Variants in NFIA observed in about 807,000 individuals in gnomAD.
NFIA encodes nuclear factor 1 A-type.
NFIA carries 8 observed loss-of-function variants against 62.8 expected under a neutral mutation model. The ratio of observed to expected loss-of-function variants is 0.13; its 90% CI spans 0.07 to 0.23. The LOEUF (loss-of-function observed/expected upper bound fraction) is 0.23. NFIA is among the 10% of genes least tolerant of loss of function. The pLI, the probability that NFIA is intolerant of heterozygous loss-of-function variation, is 1.00. For synonymous variants in NFIA, 235 were observed against 238.1 expected (o/e 0.99, Z 0.12); for missense variants, 410 against 642.1 (o/e 0.64, Z 3.91).
intron 10 of NFIA, among the ~76,000 whole-genome samples, chr1:61,433,925 G>C (rs2100564473): frequency 6.6e-6 from 1 of 152,246 alleles, no homozygotes; most frequent in South Asian, 2.1e-4. Context: ...GCTGCTCTAT[G>C]GTCAGAACCT....
chr1:61,307,964 A>G (rs995566530), intron 3 of NFIA, among the ~76,000 whole-genome samples: 17 of 152,350 alleles, frequency 1.1e-4, no homozygotes, highest in African/African-American at 4.1e-4. Flanking sequence ...GGACTAAGAT[A>G]CAGCATTACA....
intron 2 of NFIA, among the ~76,000 whole-genome samples, chr1:61,184,604 C>T (rs1173085868): frequency 1.3e-5 from 2 of 152,240 alleles, no homozygotes; most frequent in Non-Finnish European, 2.9e-5. Flanking sequence ...TGCTGAGAAA[C>T]TGGTGGACCG....
intron 3 of NFIA, among the ~76,000 whole-genome samples, chr1:61,283,111 C>T (rs904062307): frequency 2.6e-5 from 4 of 152,186 alleles, no homozygotes; most frequent in Non-Finnish European, 5.9e-5. Context: ...ATGTCGTTCA[C>T]ATCCTGAATT....
At chr1:61,271,146 A>G (rs1032696790) in intron 2 of NFIA, among the ~76,000 whole-genome samples, 1 of 152,148 alleles carries the variant, frequency 6.6e-6, no homozygotes, top group Non-Finnish European at 1.5e-5. Flanking sequence ...GTCATTTTTA[A>G]AGCTTAGAAA....
At chr1:61,341,494 C>G (rs1203327624) in intron 4 of NFIA, among the ~76,000 whole-genome samples, 3 of 151,792 alleles carry the variant, frequency 2.0e-5, no homozygotes, top group African/African-American at 7.3e-5. Flanking sequence ...TTTGGGTTTT[C>G]TTGAGACAGA....
chr1:61,285,041 A>C (rs1159711738), intron 3 of NFIA, among the ~76,000 whole-genome samples: 1 of 152,254 alleles, frequency 6.6e-6, no homozygotes, highest in Non-Finnish European at 1.5e-5. Context: ...AATACAATTT[A>C]TGCAGTATTT....
chr1:61,384,046 G>A (rs1466880703), intron 7 of NFIA, among the ~76,000 whole-genome samples: 2 of 152,160 alleles, frequency 1.3e-5, no homozygotes, highest in African/African-American at 4.8e-5. Flanking sequence ...TCAAGAGAAT[G>A]TCAGCAAATC....
intron 2 of NFIA, among the ~76,000 whole-genome samples, chr1:61,232,516 C>T (rs1654742102): frequency 6.6e-6 from 1 of 152,070 alleles, no homozygotes; most frequent in African/African-American, 2.4e-5. Flanking sequence ...TTTACTGTAC[C>T]ACATCATCCA....
chr1:61,232,707 A>T (rs1057107033), intron 2 of NFIA, among the ~76,000 whole-genome samples: 18 of 152,238 alleles, frequency 1.2e-4, no homozygotes, highest in Non-Finnish European at 1.8e-4. Context: ...AGTTTTTTTT[A>T]AAAAACATCT....
intron 2 of NFIA, among the ~76,000 whole-genome samples, chr1:61,225,283 G>A (rs542659264): frequency 2.2e-4 from 33 of 149,952 alleles, no homozygotes; most frequent in African/African-American, 6.9e-4. Flanking sequence ...ACTGAGTCTC[G>A]CTTTGTTGCC....
rs191668700 is a variant in NFIA at position 61,286,959 on chromosome 1, G to T, written c.625+9374G>T. On this transcript the variant is annotated intron_variant, in intron 3 of 10. Transcript: ENST00000403491. ...GACATGCTGGAAGAACACTAAGGGG[G>T]TTGGTGTGGCTTGAAGGGTACAAAC... 2.6e-5 allele frequency among the ~76,000 whole-genome samples: 4 copies of T among 152,300 alleles called. No homozygotes were observed. In the East Asian group the frequency reaches 5.8e-4, roughly 22 times the overall value.
chr1:61,375,483 A>G (rs1664104271), intron 6 of NFIA, among the ~76,000 whole-genome samples: 1 of 152,174 alleles, frequency 6.6e-6, no homozygotes, highest in Non-Finnish European at 1.5e-5. Context: ...AATAGTTCAG[A>G]TTTAAATCAG....
At chr1:61,198,604 ACT>A (rs1211238822) in intron 2 of NFIA, among the ~76,000 whole-genome samples, 2 of 151,916 alleles carry the variant, frequency 1.3e-5, no homozygotes, top group Admixed American at 6.6e-5. Context: ...TTCGTTCTTC[ACT>A]CTCTATCTGA....
chr1:61,420,636 A>T (rs1294892742), intron 9 of NFIA, among the ~76,000 whole-genome samples: 1 of 152,218 alleles, frequency 6.6e-6, no homozygotes, highest in Non-Finnish European at 1.5e-5. Flanking sequence ...GTAGAATCAT[A>T]TAGTAAGCCT....
chr1:61,374,944 C>T (rs1389153912), intron 6 of NFIA, among the ~76,000 whole-genome samples: 3 of 152,158 alleles, frequency 2.0e-5, no homozygotes, highest in African/African-American at 7.2e-5. Context: ...TTAGAATGAA[C>T]TCTAATGGAT....
chr1:61,332,750 A>C (rs1173611494), intron 4 of NFIA, among the ~76,000 whole-genome samples, 164 bp downstream of exon 4: 1 of 152,232 alleles, frequency 6.6e-6, no homozygotes, highest in Non-Finnish European at 1.5e-5. Flanking sequence ...AATTTAAATC[A>C]GGAAAAATTA....
At chr1:61,407,355 T>C (rs1304810869) in intron 9 of NFIA, among the ~76,000 whole-genome samples, 7 of 152,196 alleles carry the variant, frequency 4.6e-5, no homozygotes, top group Non-Finnish European at 1.0e-4. Flanking sequence ...GTCTTGGCTC[T>C]TCTCTGAACA....
intron 2 of NFIA, among the ~76,000 whole-genome samples, chr1:61,140,930 G>T (rs1238795101): frequency 2.0e-5 from 3 of 150,140 alleles, no homozygotes; most frequent in Admixed American, 6.6e-5. Flanking sequence ...CAAAAAGCTG[G>T]TGCTGTAGTT....
In NFIA at chr1:61,090,705, C is replaced by T. The variant is rs577432679; in HGVS notation, c.559+2025C>T. 2.0e-5 allele frequency among the ~76,000 whole-genome samples: 3 copies of T among 152,284 alleles called. No homozygotes were observed. The South Asian group carries it at 6.2e-4, about 32-fold the overall frequency. ...ATTGACAGCAGCATAGATCAGACTA[C>T]TCTTCGGTTTGGTTTTCCTGATGTA... On this transcript the variant is annotated intron_variant, in intron 2 of 10. Transcript: ENST00000403491.
Sources: allele counts gnomAD v4.1 joint callset (sites outside exome capture counted in the v4.1 genomes callset), GRCh38; gene constraint gnomAD v4.1.1; transcripts MANE v1.5; gene names NCBI Gene and HGNC (gene_info 2026-07-23, HGNC 2026-07-21).